The following SGK1 variants were observed in gnomAD, a reference collection of about 807,000 sequenced individuals.
SGK1 encodes the protein serine/threonine-protein kinase Sgk1.
Under a neutral mutation model 64.2 loss-of-function variants are expected in SGK1, and 26 were observed. The observed-to-expected ratio is 0.40, with a 90% confidence interval of 0.30 to 0.56. The LOEUF is 0.56. Among genes scored for constraint, SGK1 ranks in the 20% least tolerant of loss-of-function variants. SGK1 has a pLI of 0.38. For synonymous variants in SGK1, 265 were observed against 239.7 expected, an observed-to-expected ratio of 1.11 and a Z score of -0.98; for missense variants, 519 against 645.6, an observed-to-expected ratio of 0.80 and a Z score of 2.12.
At chr6:134,197,901 TATAAAATAAAATAAA>T (rs145281267) in intron 3 of SGK1, among the ~76,000 whole-genome samples, 3 of 36,704 alleles carry the variant, frequency 8.2e-5, no homozygotes, top group African/African-American at 1.3e-4. Flanking sequence ...TAAAATAAAA[TATAAAATAAAATAAA>T]ATAAAATAAA....
chr6:134,177,905 C>T (rs1775273913), intron 3 of SGK1: 4 of 1,449,324 alleles, frequency 2.8e-6, no homozygotes, highest in Admixed American at 4.7e-5. Context: ...AGGAAGGGAG[C>T]AAGCTGCAAA....
intron 3 of SGK1, among the ~76,000 whole-genome samples, chr6:134,200,646 G>A (rs917574208): frequency 6.6e-6 from 1 of 152,202 alleles, no homozygotes; most frequent in African/African-American, 2.4e-5. Flanking sequence ...GCTCACACCT[G>A]TAATCCAAGC....
At chr6:134,297,894 T>A in intron 1 of SGK1, 1 of 808,612 alleles carries the variant, frequency 1.2e-6, no homozygotes, top group Non-Finnish European at 2.2e-6. Flanking sequence ...GCTCTCAGCC[T>A]CACTCCGGCT....
At chr6:134,247,042 T>C (rs1254706564) in intron 2 of SGK1, among the ~76,000 whole-genome samples, 1 of 151,908 alleles carries the variant, frequency 6.6e-6, no homozygotes, top group Non-Finnish European at 1.5e-5. Flanking sequence ...TAGCAAGTAA[T>C]ATGCCCAGAG....
chr6:134,262,471 C>T (rs1384066558), intron 1 of SGK1, among the ~76,000 whole-genome samples: 2 of 151,144 alleles, frequency 1.3e-5, no homozygotes. Context: ...GGGGGTTTCA[C>T]TCTGTTGCCC....
intron 5 of SGK1, 101 bp from the exon 6 acceptor site, chr6:134,173,667 T>C: frequency 1.3e-6 from 1 of 770,938 alleles, no homozygotes; most frequent in East Asian, 2.6e-5. Context: ...AAATGACTGA[T>C]GCAAATGACC....
intron 3 of SGK1, chr6:134,175,626 C>T: frequency 6.5e-7 from 1 of 1,540,270 alleles, no homozygotes. Context: ...GGGACTCGAG[C>T]CGGGCTCTGG....
intron 3 of SGK1, among the ~76,000 whole-genome samples, chr6:134,205,030 T>C (rs1288830504): frequency 6.6e-6 from 1 of 152,094 alleles, no homozygotes; most frequent in Admixed American, 6.6e-5. Context: ...AAAGCAAGTT[T>C]ATTAAGAAAG....
intron 1 of SGK1, among the ~76,000 whole-genome samples, chr6:134,278,703 A>G (rs1027572554): frequency 6.6e-6 from 1 of 152,188 alleles, no homozygotes; most frequent in Admixed American, 6.5e-5. Context: ...TAACAAAAAG[A>G]TATCTATGAA....
intron 3 of SGK1, among the ~76,000 whole-genome samples, chr6:134,193,569 G>C (rs1487831636): frequency 6.6e-6 from 1 of 151,184 alleles, no homozygotes; most frequent in African/African-American, 2.4e-5. Flanking sequence ...AGAGTGAGTT[G>C]CTGTTGTTTT....
At chr6:134,206,830 G>A (rs1400370894) in intron 3 of SGK1, among the ~76,000 whole-genome samples, 1 of 144,160 alleles carries the variant, frequency 6.9e-6, no homozygotes, top group Non-Finnish European at 1.5e-5. Context: ...TCGTACCACC[G>A]CACTCCAGCC....
At chr6:134,252,421 A>T (rs1427909314) in intron 2 of SGK1, among the ~76,000 whole-genome samples, 2 of 152,168 alleles carry the variant, frequency 1.3e-5, no homozygotes, top group African/African-American at 4.8e-5. Flanking sequence ...TTCTCTTGGG[A>T]ACAAGGGCTT....
Position 134,177,349 on chromosome 6 carries a change from C to A in SGK1, c.362-2763G>T, listed in dbSNP as rs921773537. The stretch of plus-strand genomic sequence containing the variant: ...ACTGGCCCATGTCTGCTTCCTCTTG[C>A]AGGGAATCTTCATAGAATGTGACTT... On this transcript the variant is annotated intron_variant, in intron 3 of 13. Coordinates refer to ENST00000367858, the MANE Select transcript of SGK1 (RefSeq NM_001143676.3). 2.6e-5 allele frequency among the ~76,000 whole-genome samples: 4 copies of A among 152,358 alleles called. No individual in the cohort carries two copies. The South Asian group carries it at 8.3e-4, about 32-fold the overall frequency.
At chr6:134,237,856 G>A (rs1003342957) in intron 2 of SGK1, among the ~76,000 whole-genome samples, 3 of 152,062 alleles carry the variant, frequency 2.0e-5, no homozygotes, top group Non-Finnish European at 4.4e-5. Context: ...ATACTGAAGA[G>A]AACAAGTAAG....
intron 1 of SGK1, among the ~76,000 whole-genome samples, chr6:134,284,174 C>A (rs1486186452): frequency 6.6e-6 from 1 of 152,172 alleles, no homozygotes; most frequent in Middle Eastern, 3.2e-3. Flanking sequence ...CTCACTGCAA[C>A]CTCTGCCTCC....
At chr6:134,219,412 C>T (rs1011985376) in intron 2 of SGK1, among the ~76,000 whole-genome samples, 2 of 152,096 alleles carry the variant, frequency 1.3e-5, no homozygotes, top group Non-Finnish European at 2.9e-5. Flanking sequence ...ATTGGAGTTT[C>T]GACCTGAGAT....
At chr6:134,220,932 A>C (rs2114702089) in intron 2 of SGK1, among the ~76,000 whole-genome samples, 1 of 151,912 alleles carries the variant, frequency 6.6e-6, no homozygotes, top group South Asian at 2.1e-4. Context: ...CAGTGAGCCA[A>C]GATCATGCCA....
chr6:134,209,864 A>G (rs757635542), intron 2 of SGK1, among the ~76,000 whole-genome samples: 2 of 152,088 alleles, frequency 1.3e-5, no homozygotes, highest in African/African-American at 2.4e-5. Flanking sequence ...TTTAGTAGAG[A>G]TGGGGTTTTG....
At chr6:134,308,692 G>A (rs1777569465) in intron 1 of SGK1, among the ~76,000 whole-genome samples, 1 of 152,002 alleles carries the variant, frequency 6.6e-6, no homozygotes, top group African/African-American at 2.4e-5. Context: ...GAGTAGCTGG[G>A]ATTACAGGTG....
Sources: allele counts gnomAD v4.1 joint callset (sites outside exome capture counted in the v4.1 genomes callset), GRCh38; gene constraint gnomAD v4.1.1; transcripts MANE v1.5; gene names NCBI Gene and HGNC (gene_info 2026-07-23, HGNC 2026-07-21).